Variants in ZZZ3 observed in about 807,000 individuals in gnomAD.
ZZZ3 encodes the protein ZZ-type zinc finger-containing protein 3.
ZZZ3 carries 22 observed loss-of-function variants against 95.2 expected under a neutral mutation model. The observed-to-expected ratio is 0.23, with a 90% CI of 0.17 to 0.33. The LOEUF (loss-of-function observed/expected upper bound fraction) is 0.33. ZZZ3 is among the 10% of genes least tolerant of loss of function. The pLI is 1.00. For synonymous variants in ZZZ3, 335 were observed against 358.9 expected (o/e 0.93, Z 0.75); for missense variants, 885 against 1,066.5 (o/e 0.83, Z 2.37).
intron 1 of ZZZ3, among the ~76,000 whole-genome samples, chr1:77,662,797 C>G (rs1447258015): frequency 6.6e-6 from 1 of 151,916 alleles, no homozygotes; most frequent in Non-Finnish European, 1.5e-5. Context: ...TCTCAAAAAA[C>G]AAATACATAA....
chr1:77,604,116 A>G (rs765477343), intron 5 of ZZZ3, among the ~76,000 whole-genome samples: 2 of 152,172 alleles, frequency 1.3e-5, no homozygotes, highest in Non-Finnish European at 2.9e-5. Context: ...GCAGGCTGCT[A>G]TGTCTCCAAT....
chr1:77,680,340 G>A (rs890703022), intron 1 of ZZZ3, among the ~76,000 whole-genome samples: 4 of 152,170 alleles, frequency 2.6e-5, no homozygotes, highest in South Asian at 2.1e-4. Flanking sequence ...CTTGCACCAT[G>A]GCTCTTGCCT....
intron 5 of ZZZ3, among the ~76,000 whole-genome samples, chr1:77,627,520 T>A (rs1410798705): frequency 2.0e-5 from 3 of 152,188 alleles, no homozygotes; most frequent in Non-Finnish European, 4.4e-5. Context: ...CTTCCAAAAT[T>A]GATGAAAATA....
chr1:77,586,731 G>T (rs1663118851), intron 5 of ZZZ3, among the ~76,000 whole-genome samples: 1 of 152,070 alleles, frequency 6.6e-6, no homozygotes, highest in Admixed American at 6.5e-5. Flanking sequence ...AAATAATGAA[G>T]ACTCTAAGAA....
chr1:77,603,498 G>C (rs1231436622), intron 5 of ZZZ3, among the ~76,000 whole-genome samples: 2 of 152,152 alleles, frequency 1.3e-5, no homozygotes, highest in Non-Finnish European at 2.9e-5. Flanking sequence ...CAAAAGTAGG[G>C]TCATGGGAAT....
intron 5 of ZZZ3, among the ~76,000 whole-genome samples, chr1:77,593,949 T>G (rs1663968480): frequency 6.6e-6 from 1 of 152,136 alleles, no homozygotes; most frequent in Non-Finnish European, 1.5e-5. Context: ...TGCAAAAGCT[T>G]TTTTTCTAAG....
intron 5 of ZZZ3, among the ~76,000 whole-genome samples, chr1:77,600,369 G>A (rs1557713901): frequency 6.6e-6 from 1 of 152,088 alleles, no homozygotes; most frequent in Non-Finnish European, 1.5e-5. Flanking sequence ...ATTAAGCTAA[G>A]GTACGGTACT....
chr1:77,579,862 A>T (rs907213886), intron 9 of ZZZ3: 4 of 266,450 alleles, frequency 1.5e-5, no homozygotes, highest in Admixed American at 5.4e-5. Flanking sequence ...AAAGTTTTCT[A>T]TTCACATAAG....
rs1254770784 is a variant in ZZZ3 at position 77,641,464 on chromosome 1, A to G, written c.-268-18T>C. 5.0e-6 allele frequency: 2 copies of G among 397,524 alleles called. No homozygotes were observed. The highest frequency in any genetic ancestry group is 4.4e-6 in the Non-Finnish European group (1 of 225,474). 24.6% of individuals were successfully genotyped at this position (397,524 alleles called of 1,614,324 possible). A position where few individuals can be genotyped will look rare whatever the true frequency, so the allele number is the denominator to read the frequency against. On this transcript the variant is annotated intron_variant, in intron 2 of 14. Coordinates refer to ENST00000370801, the MANE Select transcript of ZZZ3 (RefSeq NM_015534.6). ...CTGATACACTGAAAAAGAAACTTCA[A>G]TCAATTACTTCTAACTAAACCCCAC...
At chr1:77,595,858 G>C (rs1405254204) in intron 5 of ZZZ3, among the ~76,000 whole-genome samples, 1 of 151,992 alleles carries the variant, frequency 6.6e-6, no homozygotes, top group Non-Finnish European at 1.5e-5. Flanking sequence ...CTGAAAAGCA[G>C]AAAACTTAAA....
chr1:77,594,770 G>C (rs1664057685), intron 5 of ZZZ3, among the ~76,000 whole-genome samples: 1 of 151,452 alleles, frequency 6.6e-6, no homozygotes, highest in East Asian at 1.9e-4. Flanking sequence ...AAATACTATA[G>C]ATTAAAAAAA....
chr1:77,599,470 T>G (rs1043667902), intron 5 of ZZZ3, among the ~76,000 whole-genome samples: 7 of 152,022 alleles, frequency 4.6e-5, no homozygotes, highest in Admixed American at 4.6e-4. Flanking sequence ...AAAAGTTAAG[T>G]ATGGGTGGAA....
At chr1:77,661,980 CTTTT>C (rs397861463) in intron 1 of ZZZ3, among the ~76,000 whole-genome samples, 17 of 134,992 alleles carry the variant, frequency 1.3e-4, no homozygotes, top group Non-Finnish European at 2.2e-4. Flanking sequence ...TGATGCCTGG[CTTTT>C]TTTTTTTTTT....
chr1:77,647,628 C>T (rs1358505525), intron 1 of ZZZ3, among the ~76,000 whole-genome samples: 2 of 152,034 alleles, frequency 1.3e-5, no homozygotes, highest in African/African-American at 4.8e-5. Context: ...TGAGCATTTA[C>T]TACCTTTGTT....
chr1:77,616,217 TTC>T (rs1440086056), intron 5 of ZZZ3, among the ~76,000 whole-genome samples: 1 of 152,180 alleles, frequency 6.6e-6, no homozygotes, highest in East Asian at 1.9e-4. Flanking sequence ...GCTTCATAGT[TTC>T]TGAGTATAAA....
intron 5 of ZZZ3, among the ~76,000 whole-genome samples, chr1:77,597,936 T>C (rs1053203827): frequency 6.6e-6 from 1 of 152,144 alleles, no homozygotes; most frequent in Non-Finnish European, 1.5e-5. Flanking sequence ...TACTGTAAGA[T>C]AGTAATAATA....
intron 5 of ZZZ3, among the ~76,000 whole-genome samples, chr1:77,602,222 G>A (rs1664800419): frequency 6.6e-6 from 1 of 152,146 alleles, no homozygotes; most frequent in African/African-American, 2.4e-5. Context: ...AGAAAGCTAT[G>A]CACTTTAAAG....
At chr1:77,619,804 C>T (rs1417267137) in intron 5 of ZZZ3, among the ~76,000 whole-genome samples, 3 of 152,028 alleles carry the variant, frequency 2.0e-5, no homozygotes, top group East Asian at 1.9e-4. Flanking sequence ...ATGATGATAT[C>T]GCATATTTTT....
chr1:77,590,399 A>G (rs1430974717), intron 5 of ZZZ3, among the ~76,000 whole-genome samples: 2 of 152,190 alleles, frequency 1.3e-5, no homozygotes, highest in Admixed American at 1.3e-4. Flanking sequence ...AGGGACAGCT[A>G]TTTTACAATA....
Sources: gnomAD v4.1 joint callset for allele counts (sites outside exome capture counted in the v4.1 genomes callset) on GRCh38, gnomAD v4.1.1 for gene constraint, MANE v1.5 for transcripts, NCBI Gene and HGNC (gene_info 2026-07-23, HGNC 2026-07-21) for gene names.